Variants in KLF12 observed in about 807,000 individuals in gnomAD.
The protein encoded by KLF12 is KLF transcription factor 12, also known as Krueppel-like factor 12.
A neutral mutation model predicts 37.8 loss-of-function variants in KLF12; 9 were observed. That is an observed-to-expected ratio of 0.24 (90% CI 0.14 to 0.42). KLF12 has a LOEUF of 0.42. Among genes scored for constraint, KLF12 ranks in the 10% least tolerant of loss-of-function variants. KLF12 has a pLI of 1.00. For missense variants in KLF12, 411 were observed against 516.0 expected (o/e 0.80, Z 1.97); for synonymous variants, 208 against 202.1 (o/e 1.03, Z -0.25).
At position 73,775,066 on chromosome 13, in the gene KLF12, T is replaced by C. The variant is rs1005727811; in HGVS notation, c.807-10066A>G. On this transcript the variant is annotated intron_variant, in intron 5 of 7. Transcript: ENST00000377669. ...CTGAGTAGCTGGGATTACAGGTATG[T>C]GCCACCATGCCTGGCTAATTTTTGT... Among the ~76,000 whole-genome samples, 4 of 151,996 alleles carry C rather than the reference T, an allele frequency of 2.6e-5. No homozygotes were observed. The South Asian group carries it at 6.2e-4, about 24-fold the overall frequency.
the KLF12 span, among the ~76,000 whole-genome samples, chr13:74,301,436 A>G: frequency 2.0e-5 from 3 of 152,178 alleles, no homozygotes; most frequent in Non-Finnish European, 4.4e-5. Context: ...ATGTGCTGTC[A>G]TATCTTCAGA....
chr13:73,728,457 C>G (rs1876827445), intron 6 of KLF12, among the ~76,000 whole-genome samples: 1 of 152,108 alleles, frequency 6.6e-6, no homozygotes, highest in Non-Finnish European at 1.5e-5. Flanking sequence ...TCTTAATTGC[C>G]TCGGCTAGAA....
chr13:73,802,934 G>GTA (rs1237829350), intron 5 of KLF12, among the ~76,000 whole-genome samples: 5 of 152,020 alleles, frequency 3.3e-5, no homozygotes, highest in African/African-American at 4.8e-5. Context: ...CACTAATATG[G>GTA]ACATTTTATC....
chr13:73,813,295 G>A lies in KLF12; in HGVS notation c.671-8C>T, dbSNP rs1427950518. On this transcript the variant is annotated splice_region_variant and splice_polypyrimidine_tract_variant and intron_variant, in intron 4 of 7. Transcript: ENST00000377669. ...CTCGGGGGTCCATTTGTGCTGGAGAGAAAAGGCATATATAATGAATTAAAA... is the reference window on the plus strand; with the variant it reads ...CTCGGGGGTCCATTTGTGCTGGAGAAAAAAGGCATATATAATGAATTAAAA... 2 of 1,613,652 alleles carry A rather than the reference G, an allele frequency of 1.2e-6. No individual in the cohort carries two copies. Among genetic ancestry groups the A allele is most frequent in the Non-Finnish European group, 1.7e-6 (2 of 1,179,790 alleles).
At chr13:74,207,611 G>A in the KLF12 span, among the ~76,000 whole-genome samples, 1 of 152,170 alleles carries the variant, frequency 6.6e-6, no homozygotes, top group Non-Finnish European at 1.5e-5. Context: ...GGAGGTGGAG[G>A]TTGCAGTGAG....
chr13:74,010,438 G>C (rs1033897435), intron 1 of KLF12, among the ~76,000 whole-genome samples: 4 of 152,144 alleles, frequency 2.6e-5, no homozygotes, highest in African/African-American at 7.2e-5. Context: ...TGCTGGATGA[G>C]ATGTGGCATG....
intron 5 of KLF12, among the ~76,000 whole-genome samples, chr13:73,777,446 C>T (rs867237864): frequency 6.6e-6 from 1 of 152,022 alleles, no homozygotes; most frequent in African/African-American, 2.4e-5. Context: ...TGGTGGCTCA[C>T]GCCTGTAATC....
intron 2 of KLF12, among the ~76,000 whole-genome samples, chr13:73,991,829 T>C (rs1290850110): frequency 6.6e-6 from 1 of 152,232 alleles, no homozygotes; most frequent in Non-Finnish European, 1.5e-5. Flanking sequence ...GGATTGCTGC[T>C]ATTACAATCC....
chr13:74,188,135 G>A, the KLF12 span, among the ~76,000 whole-genome samples: 1 of 152,276 alleles, frequency 6.6e-6, no homozygotes, highest in Admixed American at 6.5e-5. Flanking sequence ...AGAAAAAAAA[G>A]TAGGTTTAGT....
chr13:74,141,611 A>C, the KLF12 span, among the ~76,000 whole-genome samples: 3 of 152,200 alleles, frequency 2.0e-5, no homozygotes. Flanking sequence ...GGCACACCAA[A>C]GCCCCAATCT....
intron 6 of KLF12, among the ~76,000 whole-genome samples, chr13:73,744,882 T>C (rs1311693410): frequency 1.3e-5 from 2 of 152,206 alleles, no homozygotes; most frequent in Non-Finnish European, 2.9e-5. Context: ...TTACCTTTGA[T>C]GAAGGCTAGT....
chr13:74,179,998 A>C, the KLF12 span, among the ~76,000 whole-genome samples: 2 of 152,216 alleles, frequency 1.3e-5, no homozygotes, highest in African/African-American at 4.8e-5. Flanking sequence ...AAGAAATATC[A>C]TATTTGTAAC....
At chr13:73,752,247 T>C (rs1878814584) in intron 6 of KLF12, among the ~76,000 whole-genome samples, 1 of 152,178 alleles carries the variant, frequency 6.6e-6, no homozygotes, top group Non-Finnish European at 1.5e-5. Flanking sequence ...CCTCCCAAAG[T>C]GTTGGGATTA....
At chr13:73,949,951 C>T (rs945211410) in intron 2 of KLF12, among the ~76,000 whole-genome samples, 5 of 131,370 alleles carry the variant, frequency 3.8e-5, no homozygotes, top group Admixed American at 7.3e-5. Flanking sequence ...AACTAAAATC[C>T]CCCATATGTT....
At chr13:74,233,031 G>A in the KLF12 span, among the ~76,000 whole-genome samples, 31 of 152,146 alleles carry the variant, frequency 2.0e-4, 1 homozygote, top group South Asian at 5.0e-3. Flanking sequence ...GACTACAGGC[G>A]CGTTCCACCA....
At chr13:74,020,275 T>C (rs1194785672) in intron 1 of KLF12, among the ~76,000 whole-genome samples, 1 of 152,114 alleles carries the variant, frequency 6.6e-6, no homozygotes, top group South Asian at 2.1e-4. Flanking sequence ...ATGCCAAGGA[T>C]AGAATCAAGC....
At chr13:73,785,609 A>ATTTT (rs537464774) in intron 5 of KLF12, among the ~76,000 whole-genome samples, 12 of 143,742 alleles carry the variant, frequency 8.3e-5, no homozygotes, top group African/African-American at 2.5e-4. Context: ...ATCTCTGCCC[A>ATTTT]TTTTTTTTTT....
intron 3 of KLF12, among the ~76,000 whole-genome samples, chr13:73,849,158 C>T (rs754617804): frequency 1.3e-5 from 2 of 152,126 alleles, no homozygotes; most frequent in East Asian, 1.9e-4. Context: ...GGAAGAAAAA[C>T]GACCCAAAAG....
chr13:74,027,752 T>A (rs1387408036), intron 1 of KLF12, among the ~76,000 whole-genome samples: 1 of 152,246 alleles, frequency 6.6e-6, no homozygotes, highest in African/African-American at 2.4e-5. Context: ...GCCTCTTTTT[T>A]CTTTTTTACT....
Sources: allele counts gnomAD v4.1 joint callset (sites outside exome capture counted in the v4.1 genomes callset), GRCh38; gene constraint gnomAD v4.1.1; transcripts MANE v1.5; gene names NCBI Gene and HGNC (gene_info 2026-07-23, HGNC 2026-07-21).